CIT: variants seen among roughly 807,000 people sequenced by gnomAD.
CIT encodes citron Rho-interacting kinase.
In CIT, 79 loss-of-function variants were observed where a neutral mutation model predicts 272.7. That is an observed-to-expected ratio of 0.29 (90% CI 0.24 to 0.35). The LOEUF (loss-of-function observed/expected upper bound fraction) is 0.35, where lower values mean the gene tolerates loss of function less well. Among genes scored for constraint, CIT ranks in the 10% least tolerant of loss-of-function variants. The probability of loss-of-function intolerance (pLI) is 1.00; values close to 1 mark genes in which losing one functional copy is unlikely to be tolerated. For synonymous variants in CIT, 948 were observed against 995.6 expected (o/e 0.95, Z 0.90); for missense variants, 1,909 against 2,618.3 (o/e 0.73, Z 5.91).
chr12:119,697,440 C>T lies in CIT; in HGVS notation c.5882+219G>A, dbSNP rs890639158. ...AAATACCCAGGAGAGAAAGATCAGACCTCTCCCCTCTGACTTTTGCAAGGT... is the reference window on the plus strand; with the variant it reads ...AAATACCCAGGAGAGAAAGATCAGATCTCTCCCCTCTGACTTTTGCAAGGT... On this transcript the variant is annotated intron_variant, in intron 46 of 47. Coordinates refer to ENST00000392521, the MANE Select transcript of CIT (RefSeq NM_001206999.2). This position sits in a 1 kb window ranked among gnomAD's most constrained non-coding sequence, Gnocchi z 4.9. Among the ~76,000 whole-genome samples, 1 of 152,206 alleles carries T rather than the reference C, an allele frequency of 6.6e-6. No homozygotes were observed. The highest frequency in any genetic ancestry group is 1.5e-5 in the Non-Finnish European group (1 of 68,038).
chr12:119,767,027 A>T (rs1032406833), intron 19 of CIT, 60 bp downstream of exon 19: 13 of 1,234,832 alleles, frequency 1.1e-5, no homozygotes, highest in Non-Finnish European at 1.4e-5. Context: ...GCCCAGGAAG[A>T]GATGGGAGCT....
intron 9 of CIT, among the ~76,000 whole-genome samples, chr12:119,806,028 T>C (rs1966581843): frequency 6.6e-6 from 1 of 151,368 alleles, no homozygotes; most frequent in Admixed American, 6.6e-5. Flanking sequence ...TCCCAGCTAC[T>C]TGGGAGGCTG....
chr12:119,815,534 C>T (rs984916238), intron 9 of CIT, among the ~76,000 whole-genome samples: 3 of 152,020 alleles, frequency 2.0e-5, no homozygotes, highest in African/African-American at 7.3e-5. Context: ...TGGAGAAACC[C>T]CATCTCTACT....
intron 10 of CIT, among the ~76,000 whole-genome samples, chr12:119,794,058 G>A (rs982696506): frequency 1.3e-5 from 2 of 152,138 alleles, no homozygotes; most frequent in Non-Finnish European, 2.9e-5. Context: ...GCTCAGCTCA[G>A]AGAACCTTTC....
chr12:119,739,688 T>A (rs546952122), intron 24 of CIT, among the ~76,000 whole-genome samples: 7 of 152,286 alleles, frequency 4.6e-5, no homozygotes, highest in South Asian at 2.1e-4. Context: ...TAACCAATGT[T>A]GTTTAGTACT....
intron 10 of CIT, among the ~76,000 whole-genome samples, chr12:119,794,115 C>G (rs888620936): frequency 6.6e-6 from 1 of 152,078 alleles, no homozygotes; most frequent in African/African-American, 2.4e-5. Flanking sequence ...GTCTCAATCC[C>G]AATTCTGCAG....
chr12:119,782,838 G>T, intron 12 of CIT: 1 of 508,870 alleles, frequency 2.0e-6, no homozygotes, highest in East Asian at 3.4e-5. Flanking sequence ...ATCTCAACCT[G>T]GTGACCTTAG....
chr12:119,759,599 T>C (rs1406099184), intron 20 of CIT, among the ~76,000 whole-genome samples: 10 of 152,056 alleles, frequency 6.6e-5, no homozygotes, highest in South Asian at 6.2e-4. Context: ...TGAGCCGATA[T>C]TGCGCCACTG....
rs765374690 is a variant in CIT, at chr12:119,803,175, G to T, written c.1295+31C>A. On this transcript the variant is annotated intron_variant, in intron 10 of 47. Transcript: ENST00000392521. ...GCTCCAAAAGCCTTGCATCAATGCAGGTCCCTTTAGAAAGTCAAATTTTCA... is the reference window on the plus strand; with the variant it reads ...GCTCCAAAAGCCTTGCATCAATGCATGTCCCTTTAGAAAGTCAAATTTTCA... 7 of 1,192,424 alleles carry T rather than the reference G, an allele frequency of 5.9e-6. No individual in the cohort carries two copies. The South Asian group carries it at 1.0e-4, about 18-fold the overall frequency. 73.9% of individuals were successfully genotyped at this position (1,192,424 alleles called of 1,614,324 possible).
Position 119,783,954 on chromosome 12 carries a change from C to A in CIT, c.1499G>T (p.Arg500Ile). ...EVELKASETQRSLLEQDLATY... is the reference protein window; with the variant it reads ...EVELKASETQISLLEQDLATY... ...AGCAAGGTCCTGCTCCAGGAGGGAT[C>A]TCTGAGTCTCAGAGGCCTTCAGCTC... The change falls in exon 12 of 48, where the codon AGA becomes ATA. Residue 500 changes from arginine to isoleucine, a missense_variant. Transcript: ENST00000392521. The A allele has an allele frequency of 6.2e-7, 1 of 1,612,500 alleles. No homozygotes were observed. The highest frequency in any genetic ancestry group is 8.5e-7 in the Non-Finnish European group (1 of 1,179,174).
chr12:119,786,086 C>T (rs1218010141), intron 10 of CIT, among the ~76,000 whole-genome samples: 2 of 151,764 alleles, frequency 1.3e-5, no homozygotes, highest in Non-Finnish European at 2.9e-5. Flanking sequence ...CTGACAGATA[C>T]ATTTGAACTC....
rs761001031 is a variant in CIT, at chr12:119,784,318, A to G, written c.1402-267T>C. 108 of 1,467,122 alleles carry G rather than the reference A, an allele frequency of 7.4e-5. No individual in the cohort carries two copies. Among genetic ancestry groups the G allele is most frequent in the Non-Finnish European group, 9.6e-5 (105 of 1,095,282 alleles). 90.9% of individuals were successfully genotyped at this position (1,467,122 alleles called of 1,614,324 possible). The stretch of plus-strand genomic sequence containing the variant: ...TAACCCAGTTAGCAAGGAAGCCACA[A>G]TCATCATTTTTCACCTGTTTGCTTT... On this transcript the variant is annotated intron_variant, in intron 11 of 47. Coordinates refer to ENST00000392521, the MANE Select transcript of CIT (RefSeq NM_001206999.2). The surrounding 1 kb of genome is among the most constrained non-coding windows in gnomAD (Gnocchi z 4.7).
chr12:119,715,478 C>A (rs1287192004), intron 32 of CIT, among the ~76,000 whole-genome samples: 2 of 151,628 alleles, frequency 1.3e-5, no homozygotes, highest in Non-Finnish European at 2.9e-5. Flanking sequence ...TCTAAGAGAG[C>A]AGATCGACAG....
At chr12:119,802,751 T>C (rs1966301815) in intron 10 of CIT, among the ~76,000 whole-genome samples, 1 of 152,200 alleles carries the variant, frequency 6.6e-6, no homozygotes, top group African/African-American at 2.4e-5. Context: ...AGGAAACCTC[T>C]AGCTTATGAG....
At chr12:119,746,249 C>T (rs1959380772) in intron 23 of CIT, among the ~76,000 whole-genome samples, 1 of 152,120 alleles carries the variant, frequency 6.6e-6, no homozygotes, top group Non-Finnish European at 1.5e-5. Context: ...AGGAAATTTC[C>T]TTAAAATTTC....
intron 9 of CIT, among the ~76,000 whole-genome samples, chr12:119,814,641 G>C (rs1966971541): frequency 6.6e-6 from 1 of 152,110 alleles, no homozygotes; most frequent in South Asian, 2.1e-4. Flanking sequence ...GATCCTCATG[G>C]AACTAGCTTA....
chr12:119,807,223 C>T (rs895387580), intron 9 of CIT, among the ~76,000 whole-genome samples: 2 of 152,150 alleles, frequency 1.3e-5, no homozygotes, highest in African/African-American at 2.4e-5. Context: ...GACAAAGAGA[C>T]GGAAAACATG....
chr12:119,803,876 A>C (rs1309906482), intron 9 of CIT, among the ~76,000 whole-genome samples: 6 of 152,220 alleles, frequency 3.9e-5, no homozygotes, highest in Non-Finnish European at 7.4e-5. Context: ...AACCGGGATA[A>C]GAGGAAGGAC....
intron 27 of CIT, among the ~76,000 whole-genome samples, chr12:119,729,052 T>G (rs887175068): frequency 6.6e-6 from 1 of 152,152 alleles, no homozygotes; most frequent in South Asian, 2.1e-4. Flanking sequence ...ATAAGTTTGA[T>G]AAGAAAGGCT....
Sources: allele counts gnomAD v4.1 joint callset (sites outside exome capture counted in the v4.1 genomes callset), GRCh38; gene constraint gnomAD v4.1.1; non-coding constraint Gnocchi (gnomAD v3.1); transcripts MANE v1.5; gene names NCBI Gene and HGNC (gene_info 2026-07-23, HGNC 2026-07-21).